The following FLI1 variants were observed in gnomAD, a reference collection of about 807,000 sequenced individuals.
The protein encoded by FLI1 is Fli-1 proto-oncogene, ETS transcription factor.
FLI1 carries 13 observed loss-of-function variants against 53.1 expected under a neutral mutation model. The ratio of observed to expected loss-of-function variants is 0.24; its 90% CI spans 0.16 to 0.39. The LOEUF (loss-of-function observed/expected upper bound fraction) is 0.39. FLI1 is among the 10% of genes least tolerant of loss of function. The probability of loss-of-function intolerance (pLI) is 1.00; values close to 1 mark genes in which losing one functional copy is unlikely to be tolerated. For missense variants in FLI1, 424 were observed against 600.5 expected, an observed-to-expected ratio of 0.71 and a Z score of 3.07; for synonymous variants, 244 against 236.7, an observed-to-expected ratio of 1.03 and a Z score of -0.28.
intron 1 of FLI1, among the ~76,000 whole-genome samples, chr11:128,745,114 G>A (rs1407373399): frequency 6.6e-6 from 1 of 152,150 alleles, no homozygotes; most frequent in Non-Finnish European, 1.5e-5. Flanking sequence ...GCCTCCAAAG[G>A]TTAAGAGTGC....
intron 5 of FLI1, among the ~76,000 whole-genome samples, chr11:128,788,083 C>T (rs866563329): frequency 1.2e-4 from 18 of 151,892 alleles, no homozygotes; most frequent in South Asian, 4.2e-4. Flanking sequence ...TACAGTATCC[C>T]GCTAATTACA....
At chr11:128,716,970 T>C (rs2135728697) in intron 1 of FLI1, among the ~76,000 whole-genome samples, 2 of 151,984 alleles carry the variant, frequency 1.3e-5, no homozygotes, top group South Asian at 4.2e-4. Context: ...CCTAAGGAGG[T>C]AGGACAGCTT....
At chr11:128,695,125 C>A (rs1465622289) in intron 1 of FLI1, among the ~76,000 whole-genome samples, 2 of 152,184 alleles carry the variant, frequency 1.3e-5, no homozygotes, top group Non-Finnish European at 2.9e-5. Context: ...CGGCTGTGAG[C>A]CCGCGCCCCG....
At chr11:128,703,825 A>C (rs1407372081) in intron 1 of FLI1, among the ~76,000 whole-genome samples, 1 of 133,858 alleles carries the variant, frequency 7.5e-6, no homozygotes, top group Non-Finnish European at 1.6e-5. Flanking sequence ...CCTGGGTGAC[A>C]GAGCGAGACT....
chr11:128,749,688 A>T (rs186883435), intron 1 of FLI1, among the ~76,000 whole-genome samples: 1 of 152,230 alleles, frequency 6.6e-6, no homozygotes, highest in African/African-American at 2.4e-5. Flanking sequence ...ATTTTGAGAA[A>T]ATGCGACTGT....
intron 5 of FLI1, among the ~76,000 whole-genome samples, chr11:128,798,528 C>T (rs1490639957): frequency 2.0e-4 from 31 of 152,190 alleles, no homozygotes; most frequent in Admixed American, 2.0e-3. Context: ...CTTTGCCCAT[C>T]TAATATCTTC....
chr11:128,802,102 G>C (rs571359591), intron 5 of FLI1, among the ~76,000 whole-genome samples: 3 of 152,314 alleles, frequency 2.0e-5, no homozygotes, highest in Non-Finnish European at 4.4e-5. Flanking sequence ...CCACCTCTGT[G>C]CTGGGCACTA....
Position 128,768,171 on chromosome 11 carries a change from G to A in FLI1, c.284G>A (p.Gly95Asp), listed in dbSNP as rs1941417025. Reference sequence around the variant, plus strand: ...AAATGCAGCAAGCTGGTGGGCGGAGGCGAGTCCAACCCCATGAACTACAAC... The same window carrying A: ...AAATGCAGCAAGCTGGTGGGCGGAGACGAGTCCAACCCCATGAACTACAAC... ...VSKCSKLVGG[G>D]ESNPMNYNSY... Residue 95 changes from glycine to aspartate, a missense_variant, in exon 3 of 9, where the codon GGC (glycine) becomes GAC (aspartate). Physicochemically the swap from Gly to Asp is moderately conservative, Grantham distance 94. This residue lies in a region of FLI1 where 137 missense variants were observed against 169.1 expected (regional missense o/e 0.81). Coordinates refer to ENST00000527786, the MANE Select transcript of FLI1 (RefSeq NM_002017.5). The A allele has an allele frequency of 6.2e-7, 1 of 1,613,756 alleles. No homozygotes were observed. Among genetic ancestry groups the A allele is most frequent in the African/African-American group, 1.3e-5 (1 of 74,898 alleles).
chr11:128,724,407 C>T (rs907804827), intron 1 of FLI1, among the ~76,000 whole-genome samples: 2 of 152,120 alleles, frequency 1.3e-5, no homozygotes, highest in Non-Finnish European at 2.9e-5. Flanking sequence ...GGCCTGACCC[C>T]AGAAAGCCTA....
intron 1 of FLI1, among the ~76,000 whole-genome samples, chr11:128,698,795 C>G (rs919718013): frequency 6.6e-6 from 1 of 151,834 alleles, no homozygotes. Flanking sequence ...TGGCACTTTA[C>G]ACTAAAGACA....
At chr11:128,716,638 C>T (rs1939028392) in intron 1 of FLI1, among the ~76,000 whole-genome samples, 2 of 152,138 alleles carry the variant, frequency 1.3e-5, no homozygotes, top group South Asian at 2.1e-4. Flanking sequence ...CCATCAGAGC[C>T]GCTGCTCTGC....
At chr11:128,713,628 A>AC (rs1491228480) in intron 1 of FLI1, among the ~76,000 whole-genome samples, 2 of 152,048 alleles carry the variant, frequency 1.3e-5, no homozygotes, top group African/African-American at 4.8e-5. Flanking sequence ...AAAAAAAAAA[A>AC]CAGTTATTGA....
intron 1 of FLI1, among the ~76,000 whole-genome samples, chr11:128,708,109 A>G (rs1420611359): frequency 1.3e-5 from 2 of 152,218 alleles, no homozygotes; most frequent in Non-Finnish European, 2.9e-5. Context: ...CTGGGAAAAC[A>G]GGGGTATCCC....
At chr11:128,782,663 A>T (rs1250625243) in intron 5 of FLI1, among the ~76,000 whole-genome samples, 1 of 152,144 alleles carries the variant, frequency 6.6e-6, no homozygotes, top group Non-Finnish European at 1.5e-5. Context: ...GCGCCACTGC[A>T]CTCCAGCCTG....
chr11:128,768,792 C>T (rs552445317), intron 3 of FLI1, among the ~76,000 whole-genome samples: 10 of 152,120 alleles, frequency 6.6e-5, no homozygotes, highest in Non-Finnish European at 1.2e-4. Context: ...GCTAGAAGCC[C>T]CACCCTTAAA....
At chr11:128,719,356 CGTGTGTGTGTGT>C (rs56336914) in intron 1 of FLI1, among the ~76,000 whole-genome samples, 61,840 of 145,142 alleles carry the variant, frequency 0.43, 13,679 homozygotes, top group East Asian at 0.59. Flanking sequence ...CCCCTTTTCC[CGTGTGTGTGTGT>C]GTGTGTGTGT....
At chr11:128,689,514 G>C (rs1400687259), upstream of FLI1, among the ~76,000 whole-genome samples, 5 of 152,180 alleles carry the variant, frequency 3.3e-5, no homozygotes, top group Admixed American at 3.3e-4. Context: ...CGGACGAAAG[G>C]AGGTTGCTAG....
chr11:128,709,480 T>C (rs963186015), intron 1 of FLI1, among the ~76,000 whole-genome samples: 4 of 152,168 alleles, frequency 2.6e-5, no homozygotes, highest in Non-Finnish European at 4.4e-5. Context: ...CCCCTACAAA[T>C]GCACAAGTAC....
chr11:128,757,060 C>CTTTCTTTCTTTCTTT lies in FLI1; in HGVS notation c.19-1054_19-1040dup, dbSNP rs1555116925. ...TAGCTAATTTTTTCTTTCTTTCTTT[C>CTTTCTTTCTTTCTTT]TTTCTTTCTTTCTTTCTTTCTTTCT... On this transcript the variant is annotated intron_variant, in intron 1 of 8. Coordinates refer to ENST00000527786, the MANE Select transcript of FLI1 (RefSeq NM_002017.5). 9.7e-4 allele frequency among the ~76,000 whole-genome samples: 131 copies of CTTTCTTTCTTTCTTT among 135,500 alleles called. 1 individual carries two copies. Among genetic ancestry groups the CTTTCTTTCTTTCTTT allele is most frequent in the African/African-American group, 3.8e-3 (126 of 32,776 alleles). The allele number at this position is 135,500 out of a possible 152,430, so 88.9% of individuals were successfully genotyped here.
Sources: allele counts gnomAD v4.1 joint callset (sites outside exome capture counted in the v4.1 genomes callset), GRCh38; gene constraint gnomAD v4.1.1; regional missense constraint gnomAD v4.1.1; transcripts MANE v1.5; gene names NCBI Gene and HGNC (gene_info 2026-07-23, HGNC 2026-07-21).